RASGRF2: variants seen among roughly 807,000 people sequenced by gnomAD.
RASGRF2 encodes ras-specific guanine nucleotide-releasing factor 2.
Under a neutral mutation model 151.0 loss-of-function variants are expected in RASGRF2, and 76 were observed. The ratio of observed to expected loss-of-function variants is 0.50; its 90% CI spans 0.42 to 0.61. RASGRF2 has a LOEUF of 0.61. Ranked by LOEUF, RASGRF2 falls within the 20% of genes least tolerant of loss-of-function variation. The probability of loss-of-function intolerance (pLI) is 0.00; values close to 1 mark genes in which losing one functional copy is unlikely to be tolerated. For synonymous variants in RASGRF2, 504 were observed against 566.5 expected, an observed-to-expected ratio of 0.89 and a Z score of 1.57; for missense variants, 1,148 against 1,564.6, an observed-to-expected ratio of 0.73 and a Z score of 4.49.
chr5:81,005,064 T>C (rs1463207786), intron 1 of RASGRF2, among the ~76,000 whole-genome samples: 1 of 152,244 alleles, frequency 6.6e-6, no homozygotes, highest in Non-Finnish European at 1.5e-5. Context: ...ACGTACTTGT[T>C]CTGTATAGAT....
chr5:81,189,895 GT>G, intron 18 of RASGRF2, among the ~76,000 whole-genome samples: 1 of 151,926 alleles, frequency 6.6e-6, no homozygotes, highest in Non-Finnish European at 1.5e-5. Flanking sequence ...TGTATTTTTA[GT>G]GGAAACGGGG....
At chr5:80,995,826 G>A (rs147273810) in intron 1 of RASGRF2, among the ~76,000 whole-genome samples, 41 of 151,734 alleles carry the variant, frequency 2.7e-4, no homozygotes, top group Non-Finnish European at 5.6e-4. Flanking sequence ...CTGAGTAGCT[G>A]TGATGACAGG....
Position 80,976,424 on chromosome 5 carries a change from A to G in RASGRF2, c.288+15398A>G, listed in dbSNP as rs1332693459. ...TAATAGAACCAAAATTAATAACAGC[A>G]TTTGGTGAGCATGGCCCTTAGCTAG... On this transcript the variant is annotated intron_variant, in intron 1 of 26. Coordinates refer to ENST00000265080, the MANE Select transcript of RASGRF2 (RefSeq NM_006909.3). Among the ~76,000 whole-genome samples the G allele has an allele frequency of 4.6e-5, 7 of 152,244 alleles. 1 individual carries two copies.
In RASGRF2 at chr5:80,999,763, A is replaced by G. The variant is rs562259757; in HGVS notation, c.288+38737A>G. Among the ~76,000 whole-genome samples the G allele has an allele frequency of 7.9e-5, 12 of 152,242 alleles. No homozygotes were observed. In the South Asian group the frequency reaches 2.3e-3, roughly 29 times the overall value. On this transcript the variant is annotated intron_variant, in intron 1 of 26. Transcript: ENST00000265080. ...CCTTAGTTCGATTTCTTTAATGAAGAGCTTTCTGCGTTTTTTATTTTGTTT... is the reference window on the plus strand; with the variant it reads ...CCTTAGTTCGATTTCTTTAATGAAGGGCTTTCTGCGTTTTTTATTTTGTTT...
In RASGRF2 at chr5:81,120,098, C is replaced by G. The variant is rs539687576; in HGVS notation, c.2471-3544C>G. Among the ~76,000 whole-genome samples the G allele has an allele frequency of 2.6e-5, 4 of 152,262 alleles. No homozygotes were observed. In the South Asian group the frequency reaches 8.3e-4, roughly 32 times the overall value. ...TCACATTCACCACCTAATGCATCCC[C>G]CTTAGCTCTCATTTTACCCTGATCC... On this transcript the variant is annotated intron_variant, in intron 15 of 26. Transcript: ENST00000265080.
chr5:80,967,371 T>G (rs555947176), intron 1 of RASGRF2, among the ~76,000 whole-genome samples: 3 of 151,944 alleles, frequency 2.0e-5, no homozygotes, highest in African/African-American at 7.2e-5. Flanking sequence ...CTGGGCAAAA[T>G]AAATAAATAA....
chr5:81,063,619 A>G lies in RASGRF2; in HGVS notation c.396-4413A>G, dbSNP rs149053140. On this transcript the variant is annotated intron_variant, in intron 2 of 26. Transcript: ENST00000265080. ...CTGGAACTCCCACAAGACAGATATTAGACTTCTTGGATCTATACTCTAGGT... is the reference window on the plus strand; with the variant it reads ...CTGGAACTCCCACAAGACAGATATTGGACTTCTTGGATCTATACTCTAGGT... Among the ~76,000 whole-genome samples, 646 of 152,192 alleles carry G rather than the reference A, an allele frequency of 4.2e-3. 3 individuals carry two copies. Among genetic ancestry groups the G allele is most frequent in the Non-Finnish European group, 7.5e-3 (513 of 68,000 alleles).
chr5:81,069,038 G>T (rs1407025963), intron 3 of RASGRF2, among the ~76,000 whole-genome samples: 1 of 152,174 alleles, frequency 6.6e-6, no homozygotes, highest in Non-Finnish European at 1.5e-5. Flanking sequence ...ACTAGTAATT[G>T]TATCCTCATT....
intron 4 of RASGRF2, among the ~76,000 whole-genome samples, chr5:81,072,383 G>C (rs532482375): frequency 1.5e-4 from 23 of 152,252 alleles, no homozygotes; most frequent in Admixed American, 7.2e-4. Flanking sequence ...GCAAAAGAAG[G>C]GTCGTTGTTT....
chr5:81,227,212 A>T lies in RASGRF2; in HGVS notation c.*1442A>T, dbSNP rs920280495. 2 of 152,216 alleles carry T rather than the reference A, an allele frequency of 1.3e-5. No individual in the cohort carries two copies. Among genetic ancestry groups the T allele is most frequent in the African/African-American group, 4.8e-5 (2 of 41,466 alleles). The allele number at this position is 152,216 out of a possible 1,614,324, so 9.4% of individuals were successfully genotyped here. A position where few individuals can be genotyped will look rare whatever the true frequency, so the allele number is the denominator to read the frequency against. The stretch of plus-strand genomic sequence containing the variant: ...TTCCTTGCACTTTAATTATGTTGCT[A>T]GAGCTAACAGACTAATAAATTCCAC... On this transcript the variant is annotated 3_prime_UTR_variant, in exon 27 of 27. Transcript: ENST00000265080.
At chr5:81,186,621 G>C (rs555593463) in intron 18 of RASGRF2, among the ~76,000 whole-genome samples, 11 of 152,054 alleles carry the variant, frequency 7.2e-5, no homozygotes, top group Non-Finnish European at 1.6e-4. Context: ...TAAAATATAT[G>C]TTCCCTAACA....
intron 2 of RASGRF2, among the ~76,000 whole-genome samples, chr5:81,054,046 T>C (rs1751114471): frequency 6.6e-6 from 1 of 152,364 alleles, no homozygotes; most frequent in Non-Finnish European, 1.5e-5. Context: ...GATGAGTAGA[T>C]TGAAAAAATT....
chr5:81,115,571 A>C (rs572938400), intron 15 of RASGRF2, among the ~76,000 whole-genome samples: 4 of 152,308 alleles, frequency 2.6e-5, no homozygotes, highest in African/African-American at 9.6e-5. Context: ...GAGAGGAGAA[A>C]TCTGGAGATA....
At position 81,071,346 on chromosome 5, in the gene RASGRF2, C is replaced by T. The variant is rs560751426; in HGVS notation, c.633+765C>T. Among the ~76,000 whole-genome samples, 4 of 152,246 alleles carry T rather than the reference C, an allele frequency of 2.6e-5. No individual in the cohort carries two copies. The South Asian group carries it at 8.3e-4, about 32-fold the overall frequency. ...TTCACTGTAACAAAACTTTAATGTG[C>T]TCAGCATTTACCTGGACACTTTAAA... On this transcript the variant is annotated intron_variant, in intron 4 of 26. Coordinates refer to ENST00000265080, the MANE Select transcript of RASGRF2 (RefSeq NM_006909.3).
chr5:81,015,607 G>A (rs866691671), intron 1 of RASGRF2, among the ~76,000 whole-genome samples: 13 of 151,980 alleles, frequency 8.6e-5, no homozygotes, highest in South Asian at 2.1e-4. Context: ...TTCTATTGGT[G>A]TATTTAGCTT....
chr5:81,030,942 G>A (rs1356381020), intron 1 of RASGRF2, among the ~76,000 whole-genome samples: 1 of 152,158 alleles, frequency 6.6e-6, no homozygotes, highest in Non-Finnish European at 1.5e-5. Flanking sequence ...TCAAAATAAA[G>A]GGATGGAGGA....
At chr5:81,167,766 G>A (rs556698623) in intron 17 of RASGRF2, among the ~76,000 whole-genome samples, 2 of 152,308 alleles carry the variant, frequency 1.3e-5, no homozygotes, top group South Asian at 4.2e-4. Context: ...AAGGTGGGGA[G>A]TAGGAGCAAC....
At chr5:81,035,887 A>T (rs1476711526) in intron 1 of RASGRF2, among the ~76,000 whole-genome samples, 1 of 152,192 alleles carries the variant, frequency 6.6e-6, no homozygotes, top group East Asian at 1.9e-4. Flanking sequence ...CTGAGAACTC[A>T]AGCACTGAAT....
chr5:81,009,848 TA>T (rs2112311418), intron 1 of RASGRF2, among the ~76,000 whole-genome samples: 1 of 152,300 alleles, frequency 6.6e-6, no homozygotes, highest in South Asian at 2.1e-4. Flanking sequence ...ATGACTGTAT[TA>T]AAATGGTTTT....
Sources: gnomAD v4.1 joint callset for allele counts (sites outside exome capture counted in the v4.1 genomes callset) on GRCh38, gnomAD v4.1.1 for gene constraint, MANE v1.5 for transcripts, NCBI Gene and HGNC (gene_info 2026-07-23, HGNC 2026-07-21) for gene names.